The following CAMK1D variants were observed in gnomAD, a reference collection of about 807,000 sequenced individuals.
CAMK1D encodes calcium/calmodulin-dependent protein kinase type 1D.
Under a neutral mutation model 47.7 loss-of-function variants are expected in CAMK1D, and 9 were observed. The observed-to-expected ratio is 0.19, with a 90% confidence interval of 0.11 to 0.33. The LOEUF (loss-of-function observed/expected upper bound fraction) is 0.33. Among genes scored for constraint, CAMK1D ranks in the 10% least tolerant of loss-of-function variants. CAMK1D has a pLI of 1.00. For missense variants in CAMK1D, 291 were observed against 488.7 expected (o/e 0.60, Z 3.81); for synonymous variants, 184 against 184.9 (o/e 0.99, Z 0.04).
chr10:12,622,597 C>T (rs2132442082), intron 2 of CAMK1D, among the ~76,000 whole-genome samples: 1 of 152,076 alleles, frequency 6.6e-6, no homozygotes, highest in South Asian at 2.1e-4. Flanking sequence ...AAACATACTT[C>T]TACTCCTTTT....
At chr10:12,824,887 G>C (rs1320684659) in intron 9 of CAMK1D, among the ~76,000 whole-genome samples, 1 of 152,148 alleles carries the variant, frequency 6.6e-6, no homozygotes, top group Non-Finnish European at 1.5e-5. Flanking sequence ...CAGGAAATCT[G>C]AGTTGTACTC....
chr10:12,550,191 A>G (rs900000956), intron 1 of CAMK1D, among the ~76,000 whole-genome samples: 4 of 152,140 alleles, frequency 2.6e-5, no homozygotes, highest in Admixed American at 2.6e-4. Flanking sequence ...AATCCAACAA[A>G]CTCAGGACCA....
Position 12,801,146 on chromosome 10 carries a change from A to C in CAMK1D, c.641+9913A>C, listed in dbSNP as rs114755304. On this transcript the variant is annotated intron_variant, in intron 6 of 10. Coordinates refer to ENST00000619168, the MANE Select transcript of CAMK1D (RefSeq NM_153498.4). ...AGATGGAGTTGGGATGAAAAGGAGA[A>C]GAGGGGGATAAGGGTGTGGGAAGCA... is the stretch of plus-strand genomic sequence containing the variant. Among the ~76,000 whole-genome samples the C allele has an allele frequency of 5.9e-3, 894 of 152,152 alleles. 4 individuals carry two copies. The highest frequency in any genetic ancestry group is 0.034 in the Middle Eastern group (10 of 294).
intron 2 of CAMK1D, among the ~76,000 whole-genome samples, chr10:12,564,440 G>A (rs6602597): frequency 1 from 152,033 of 152,338 alleles, 75,864 homozygotes; most frequent in Middle Eastern, 1. Context: ...ATTTTAAGTT[G>A]TATGTAATTG....
chr10:12,678,982 C>T (rs745996793), intron 3 of CAMK1D, among the ~76,000 whole-genome samples: 40 of 152,044 alleles, frequency 2.6e-4, no homozygotes, highest in Admixed American at 4.6e-4. Flanking sequence ...AGGTTGGTCT[C>T]GAACTGCTGA....
At chr10:12,472,719 G>A (rs773757491) in intron 1 of CAMK1D, among the ~76,000 whole-genome samples, 5 of 152,014 alleles carry the variant, frequency 3.3e-5, no homozygotes, top group East Asian at 1.9e-4. Flanking sequence ...ATGGGATTTC[G>A]CCACGTTGGC....
At chr10:12,576,397 G>A (rs1837489720) in intron 2 of CAMK1D, among the ~76,000 whole-genome samples, 3 of 152,226 alleles carry the variant, frequency 2.0e-5, no homozygotes, top group East Asian at 1.9e-4. Flanking sequence ...TCCACTGACC[G>A]GAGGAGGGGG....
chr10:12,412,060 C>G (rs1477820450), intron 1 of CAMK1D, among the ~76,000 whole-genome samples: 1 of 152,170 alleles, frequency 6.6e-6, no homozygotes, highest in East Asian at 1.9e-4. Flanking sequence ...GACAACTGGC[C>G]AGAGAGGCAA....
chr10:12,670,987 C>A (rs1320887163), intron 3 of CAMK1D, among the ~76,000 whole-genome samples: 1 of 152,198 alleles, frequency 6.6e-6, no homozygotes. Flanking sequence ...TCTCTTGCAA[C>A]TACTTATCTT....
Position 12,656,046 on chromosome 10 carries a change from C to A in CAMK1D, c.225-10690C>A, listed in dbSNP as rs76278976. On this transcript the variant is annotated intron_variant, in intron 2 of 10. Transcript: ENST00000619168. ...CATTGATTGTTAGAGTTGGAAGAGACCTTGGGGACTTTCTGGTCTGGCTGG... is the reference window on the plus strand; with the variant it reads ...CATTGATTGTTAGAGTTGGAAGAGAACTTGGGGACTTTCTGGTCTGGCTGG... 1.8e-3 allele frequency among the ~76,000 whole-genome samples: 276 copies of A among 152,258 alleles called. 5 individuals carry two copies. In the East Asian group the frequency reaches 0.024, roughly 14 times the overall value.
At chr10:12,828,571 G>A (rs1833340434) in intron 10 of CAMK1D, among the ~76,000 whole-genome samples, 198 bp from the exon 11 acceptor site, 1 of 151,872 alleles carries the variant, frequency 6.6e-6, no homozygotes, top group Admixed American at 6.5e-5. Flanking sequence ...AACCTGGCAG[G>A]CAGAGGTTGC....
intron 2 of CAMK1D, among the ~76,000 whole-genome samples, chr10:12,651,229 A>G (rs900358737): frequency 1.3e-5 from 2 of 152,158 alleles, no homozygotes; most frequent in Non-Finnish European, 2.9e-5. Flanking sequence ...CTGATGAAAT[A>G]GCAACTCAAA....
chr10:12,602,066 C>G (rs1470816473), intron 2 of CAMK1D, among the ~76,000 whole-genome samples: 1 of 152,230 alleles, frequency 6.6e-6, no homozygotes, highest in Non-Finnish European at 1.5e-5. Flanking sequence ...TTTGAAGCAT[C>G]TCCCCCAGTG....
At chr10:12,490,019 G>A (rs887201415) in intron 1 of CAMK1D, among the ~76,000 whole-genome samples, 1 of 152,200 alleles carries the variant, frequency 6.6e-6, no homozygotes, top group East Asian at 1.9e-4. Flanking sequence ...ACGGGTCTGG[G>A]CTCTGGATGT....
intron 6 of CAMK1D, among the ~76,000 whole-genome samples, chr10:12,800,313 C>A (rs1319540027): frequency 6.6e-6 from 1 of 152,178 alleles, no homozygotes; most frequent in Non-Finnish European, 1.5e-5. Flanking sequence ...CAAATAAGTA[C>A]AAAAGATTTA....
chr10:12,387,367 A>ATATATAT (rs1359297173), intron 1 of CAMK1D, among the ~76,000 whole-genome samples: 2 of 56,890 alleles, frequency 3.5e-5, no homozygotes, highest in East Asian at 1.1e-3. Flanking sequence ...TATATATAAT[A>ATATATAT]TATATATTAT....
chr10:12,762,651 C>T (rs1170035877), intron 4 of CAMK1D, among the ~76,000 whole-genome samples: 1 of 152,194 alleles, frequency 6.6e-6, no homozygotes, highest in Admixed American at 6.5e-5. Context: ...CTGGGAACTG[C>T]TCTTGGAAAA....
At chr10:12,690,110 G>T (rs1032234991) in intron 3 of CAMK1D, among the ~76,000 whole-genome samples, 1 of 152,124 alleles carries the variant, frequency 6.6e-6, no homozygotes. Flanking sequence ...TTCCATCTCC[G>T]TGTGGACCTG....
At chr10:12,700,206 A>G (rs1436447904) in intron 3 of CAMK1D, among the ~76,000 whole-genome samples, 1 of 152,222 alleles carries the variant, frequency 6.6e-6, no homozygotes, top group Non-Finnish European at 1.5e-5. Context: ...CTGCTAATAA[A>G]GACATACCAG....
Sources: allele counts gnomAD v4.1 joint callset (sites outside exome capture counted in the v4.1 genomes callset), GRCh38; gene constraint gnomAD v4.1.1; transcripts MANE v1.5; gene names NCBI Gene and HGNC (gene_info 2026-07-23, HGNC 2026-07-21).